Variants in HERC2 observed in about 807,000 individuals in gnomAD.
HERC2 encodes HECT and RLD domain containing E3 ubiquitin protein ligase 2.
Under a neutral mutation model 537.7 loss-of-function variants are expected in HERC2, and 102 were observed. The observed-to-expected ratio is 0.19, with a 90% confidence interval of 0.16 to 0.22. HERC2 has a LOEUF of 0.22. Ranked by LOEUF, HERC2 falls within the 10% of genes least tolerant of loss-of-function variation. The pLI, the probability that HERC2 is intolerant of heterozygous loss-of-function variation, is 1.00. For synonymous variants in HERC2, 2,224 were observed against 2,466.2 expected (o/e 0.90, Z 2.91); for missense variants, 4,236 against 6,198.2 (o/e 0.68, Z 10.63).
At chr15:28,300,381 T>G (rs1451119833) in intron 2 of HERC2, among the ~76,000 whole-genome samples, 1 of 149,268 alleles carries the variant, frequency 6.7e-6, no homozygotes, top group Non-Finnish European at 1.5e-5. Context: ...GAACTACATA[T>G]CATTAATATA....
chr15:28,296,407 T>C lies in HERC2; in HGVS notation c.187+2995A>G, dbSNP rs560549845. On this transcript the variant is annotated intron_variant, in intron 3 of 92. Transcript: ENST00000261609. The stretch of plus-strand genomic sequence containing the variant: ...AGAACTGCTTGAACCGGGGAGGCAG[T>C]GGTTGCAGTGAGCCAAAATCATGCC... Among the ~76,000 whole-genome samples, 4 of 152,138 alleles carry C rather than the reference T, an allele frequency of 2.6e-5. No homozygotes were observed. In the South Asian group the frequency reaches 8.3e-4, roughly 32 times the overall value.
chr15:28,319,393 C>T (rs2077173921), intron 2 of HERC2, among the ~76,000 whole-genome samples: 1 of 151,400 alleles, frequency 6.6e-6, no homozygotes, highest in Non-Finnish European at 1.5e-5. Context: ...CCAGCCAGGC[C>T]AACACAGTGA....
rs937377119 is a variant in HERC2 at position 28,265,161 on chromosome 15, A to G, written c.1870+457T>C. 4.6e-5 allele frequency among the ~76,000 whole-genome samples: 7 copies of G among 152,130 alleles called. No individual in the cohort carries two copies. The highest frequency in any genetic ancestry group is 1.0e-4 in the Non-Finnish European group (7 of 68,022). The stretch of plus-strand genomic sequence containing the variant: ...AAATATTAACATGACTTTAACCATC[A>G]AACCTCATCAGGTACCCTTGAAAAA... On this transcript the variant is annotated intron_variant, in intron 14 of 92. Transcript: ENST00000261609. The surrounding 1 kb of genome is among the most constrained non-coding windows in gnomAD (Gnocchi z 4.0).
chr15:28,163,917 C>T (rs1194024659), intron 68 of HERC2, among the ~76,000 whole-genome samples: 1 of 152,154 alleles, frequency 6.6e-6, no homozygotes, highest in Non-Finnish European at 1.5e-5. Context: ...GAGCCAATTC[C>T]CAGCATCACT....
At chr15:28,245,211 G>C (rs1903537823) in intron 23 of HERC2, among the ~76,000 whole-genome samples, 1 of 152,092 alleles carries the variant, frequency 6.6e-6, no homozygotes. Context: ...TTTCATTTCA[G>C]TACTTAACAA....
intron 71 of HERC2, among the ~76,000 whole-genome samples, chr15:28,145,514 C>A (rs1891643487): frequency 6.6e-6 from 1 of 152,214 alleles, no homozygotes; most frequent in Non-Finnish European, 1.5e-5. Context: ...CAGAAAAACC[C>A]ACGCCCACTG....
chr15:28,173,123 G>C (rs1432405951), intron 65 of HERC2, among the ~76,000 whole-genome samples: 3 of 152,188 alleles, frequency 2.0e-5, no homozygotes, highest in Admixed American at 1.3e-4. Context: ...TGTGGAGGAT[G>C]TGGACCTCTG....
chr15:28,216,449 T>TGA (rs1844597382), intron 38 of HERC2, among the ~76,000 whole-genome samples: 2 of 150,662 alleles, frequency 1.3e-5, no homozygotes, highest in Non-Finnish European at 3.0e-5. Flanking sequence ...TCCGCCTGGC[T>TGA]CCAGGACTCC....
In HERC2 at chr15:28,113,378, T is replaced by A; in HGVS notation, c.14020-95A>T. 1 of 1,316,400 alleles carries A rather than the reference T, an allele frequency of 7.6e-7. No individual in the cohort carries two copies. Among genetic ancestry groups the A allele is most frequent in the Non-Finnish European group, 1.1e-6 (1 of 930,580 alleles). 81.5% of individuals were successfully genotyped at this position (1,316,400 alleles called of 1,614,324 possible). A position where few individuals can be genotyped will look rare whatever the true frequency, so the allele number is the denominator to read the frequency against. On this transcript the variant is annotated intron_variant, in intron 91 of 92. Transcript: ENST00000261609. The surrounding 1 kb of genome is among the most constrained non-coding windows in gnomAD (Gnocchi z 7.0). The stretch of plus-strand genomic sequence containing the variant: ...CTCCCTCTCTACACCAAGGCCTGTT[T>A]GGGGTGGGGAAAGGTCTGGGGGCTC...
chr15:28,169,565 A>T lies in HERC2; in HGVS notation c.10148T>A (p.Ile3383Asn), dbSNP rs1393732198. 1 of 1,613,088 alleles carries T rather than the reference A, an allele frequency of 6.2e-7. No homozygotes were observed. Among genetic ancestry groups the T allele is most frequent in the African/African-American group, 1.3e-5 (1 of 74,932 alleles). ...SKPNRPSLAKILLSLDGNLAK... is the reference protein window; with the variant it reads ...SKPNRPSLAKNLLSLDGNLAK... The stretch of plus-strand genomic sequence containing the variant: ...CAGATTTCCATCCAATGACAAGAGA[A>T]TCTTGGCAAGAGAAGGGCGATTTGG... Residue 3383 changes from isoleucine (I) to asparagine (N), a missense_variant, in exon 66 of 93, where the codon ATT becomes AAT. Physicochemically the swap from Ile to Asn is moderately radical, Grantham distance 149 (BLOSUM62 -3). Around this residue, in one of 27 missense-constraint regions of HERC2, gnomAD observed 356 missense variants for 450.9 expected, o/e 0.79. Transcript: ENST00000261609.
intron 21 of HERC2, among the ~76,000 whole-genome samples, chr15:28,248,270 G>T (rs369558040): frequency 2.0e-5 from 3 of 152,108 alleles, no homozygotes; most frequent in East Asian, 3.8e-4. Flanking sequence ...ATAGCACATG[G>T]AACAAATCTG....
In HERC2 at chr15:28,262,914, T is replaced by C; in HGVS notation, c.2122+4A>G. 1 of 1,612,722 alleles carries C rather than the reference T, an allele frequency of 6.2e-7. No individual in the cohort carries two copies. On this transcript the variant is annotated splice_donor_region_variant and intron_variant, in intron 15 of 92. Transcript: ENST00000261609. Reference sequence around the variant, plus strand: ...GGGTTTTAAAAGTTTACATTTGCACTCACCTTGCAAGCCTTCTAAGAGTTT... The same window carrying C: ...GGGTTTTAAAAGTTTACATTTGCACCCACCTTGCAAGCCTTCTAAGAGTTT...
intron 2 of HERC2, among the ~76,000 whole-genome samples, chr15:28,310,052 C>T (rs1248988958): frequency 6.6e-6 from 1 of 152,172 alleles, no homozygotes; most frequent in Non-Finnish European, 1.5e-5. Flanking sequence ...CATCTCTAAT[C>T]CCAGCACCTT....
chr15:28,304,165 C>CAAAA lies in HERC2; in HGVS notation c.73-4653_73-4650dup, dbSNP rs779514776. ...TGGGCCACAGAGTGAGACTCCATCT[C>CAAAA]AAAAAAAAAAAAAAAAAAAAAAAAA... On this transcript the variant is annotated intron_variant, in intron 2 of 92. Coordinates refer to ENST00000261609, the MANE Select transcript of HERC2 (RefSeq NM_004667.6). 1.3e-3 allele frequency among the ~76,000 whole-genome samples: 84 copies of CAAAA among 63,820 alleles called. 5 individuals are homozygous for CAAAA. The highest frequency in any genetic ancestry group is 3.7e-3 in the African/African-American group (67 of 18,048). 41.9% of individuals were successfully genotyped at this position (63,820 alleles called of 152,430 possible).
intron 2 of HERC2, among the ~76,000 whole-genome samples, chr15:28,310,859 T>C (rs1250484311): frequency 6.6e-6 from 1 of 151,822 alleles, no homozygotes; most frequent in East Asian, 1.9e-4. Context: ...GGGTGGATCA[T>C]GAAGTCAGGA....
chr15:28,215,880 T>A, intron 38 of HERC2, 78 bp from the exon 39 acceptor site: 1 of 973,922 alleles, frequency 1.0e-6, no homozygotes, highest in Admixed American at 2.7e-5. Context: ...TATTTTTTTA[T>A]CAACTTATTT....
chr15:28,117,366 A>C (rs1196277001), intron 86 of HERC2: 2 of 703,326 alleles, frequency 2.8e-6, no homozygotes, highest in Non-Finnish European at 5.2e-6. Context: ...CCCATTGGGC[A>C]TGTCGCCAGT....
At chr15:28,195,602 C>T (rs7162368) in intron 52 of HERC2, among the ~76,000 whole-genome samples, 11,249 of 151,276 alleles carry the variant, frequency 0.074, 1,433 homozygotes, top group African/African-American at 0.26. Context: ...TATGGTTTCA[C>T]CTAGATGAGA....
At chr15:28,283,643 TAG>T (rs2076081531) in intron 4 of HERC2, among the ~76,000 whole-genome samples, 1 of 152,172 alleles carries the variant, frequency 6.6e-6, no homozygotes, top group Non-Finnish European at 1.5e-5. Flanking sequence ...ATAAATACAA[TAG>T]ACTTTTCCCT....
Sources: gnomAD v4.1 joint callset for allele counts (sites outside exome capture counted in the v4.1 genomes callset) on GRCh38, gnomAD v4.1.1 for gene constraint, gnomAD v4.1.1 regional missense constraint, Gnocchi (gnomAD v3.1) non-coding constraint, MANE v1.5 for transcripts, NCBI Gene and HGNC (gene_info 2026-07-23, HGNC 2026-07-21) for gene names.